Variants in ROBO2 observed in about 807,000 individuals in gnomAD.
ROBO2 encodes the protein roundabout homolog 2.
A neutral mutation model predicts 160.8 loss-of-function variants in ROBO2; 53 were observed. The observed-to-expected ratio is 0.33, with a 90% CI of 0.26 to 0.41. The LOEUF is 0.41. Ranked by LOEUF, ROBO2 falls within the 10% of genes least tolerant of loss-of-function variation. ROBO2 has a pLI of 1.00. For missense variants in ROBO2, 1,577 were observed against 1,722.4 expected (o/e 0.92, Z 1.49); for synonymous variants, 664 against 611.7 (o/e 1.09, Z -1.26).
chr3:76,967,042 C>T (rs948740563), intron 2 of ROBO2, among the ~76,000 whole-genome samples: 4 of 152,086 alleles, frequency 2.6e-5, no homozygotes, highest in Admixed American at 2.6e-4. Flanking sequence ...GTTCGCTGGG[C>T]ATATTGTATA....
chr3:76,553,978 G>A (rs1005668940), intron 2 of ROBO2, among the ~76,000 whole-genome samples: 3 of 152,132 alleles, frequency 2.0e-5, no homozygotes, highest in Non-Finnish European at 2.9e-5. Context: ...AGCAAAGCTT[G>A]AAATATGCAT....
chr3:77,349,319 A>T (rs2068041908), intron 2 of ROBO2, among the ~76,000 whole-genome samples: 1 of 152,292 alleles, frequency 6.6e-6, no homozygotes, highest in South Asian at 2.1e-4. Context: ...AAACTAGTTA[A>T]GTATCAAAGA....
intron 2 of ROBO2, among the ~76,000 whole-genome samples, chr3:76,151,172 C>T (rs1313379285): frequency 6.6e-6 from 1 of 152,128 alleles, no homozygotes; most frequent in Non-Finnish European, 1.5e-5. Context: ...GGCCCTCATT[C>T]ATATAACTAA....
intron 2 of ROBO2, among the ~76,000 whole-genome samples, chr3:76,833,126 C>T (rs1576921617): frequency 1.3e-5 from 2 of 152,086 alleles, no homozygotes; most frequent in East Asian, 3.9e-4. Context: ...CCTTTTAATT[C>T]TTACAAAATG....
chr3:76,365,938 C>T (rs190397330), intron 2 of ROBO2, among the ~76,000 whole-genome samples: 56 of 152,092 alleles, frequency 3.7e-4, no homozygotes, highest in African/African-American at 1.1e-3. Flanking sequence ...CTTATATTCC[C>T]GAGAATCAGT....
chr3:76,365,110 TCA>T (rs552460523), intron 2 of ROBO2, among the ~76,000 whole-genome samples: 59 of 152,174 alleles, frequency 3.9e-4, no homozygotes, highest in African/African-American at 1.4e-3. Context: ...TTGAAGCAAA[TCA>T]CAGAGTCTAA....
chr3:76,655,413 G>T (rs1266745825), intron 2 of ROBO2, among the ~76,000 whole-genome samples: 22 of 48,108 alleles, frequency 4.6e-4, no homozygotes, highest in African/African-American at 1.3e-3. Flanking sequence ...TATCTAAAAG[G>T]GTGTTTCTGT....
intron 2 of ROBO2, among the ~76,000 whole-genome samples, chr3:77,149,787 C>A (rs377685530): frequency 7.3e-6 from 1 of 136,704 alleles, no homozygotes; most frequent in African/African-American, 2.6e-5. Flanking sequence ...AGGCCTTATT[C>A]CTATTTTGCT....
intron 2 of ROBO2, among the ~76,000 whole-genome samples, chr3:76,747,899 T>C (rs2093919553): frequency 6.6e-6 from 1 of 152,076 alleles, no homozygotes; most frequent in African/African-American, 2.4e-5. Flanking sequence ...TTTATGGGTT[T>C]AAATTTAACC....
rs879743178 is a variant in ROBO2, at chr3:76,978,944, T to TAA, written c.110-119057_110-119056dup. Among the ~76,000 whole-genome samples, 3 of 141,498 alleles carry TAA rather than the reference T, an allele frequency of 2.1e-5. 1 individual carries two copies. Among genetic ancestry groups the TAA allele is most frequent in the African/African-American group, 7.7e-5 (3 of 38,994 alleles). 92.8% of individuals were successfully genotyped at this position (141,498 alleles called of 152,430 possible). ...TTTTTTTGTTTGTTTGTTTGTTTTT[T>TAA]AAAAAAAAAAAAAAGAAAAACAGGG... On this transcript the variant is annotated intron_variant, in intron 2 of 26. Coordinates refer to the ROBO2 transcript ENST00000487694.
At chr3:76,865,555 TG>T (rs1553667221) in intron 2 of ROBO2, among the ~76,000 whole-genome samples, 1 of 152,116 alleles carries the variant, frequency 6.6e-6, no homozygotes, top group Non-Finnish European at 1.5e-5. Context: ...CACTCTAATA[TG>T]TTCTACCACA....
intron 2 of ROBO2, among the ~76,000 whole-genome samples, chr3:76,504,606 G>C (rs1013703852): frequency 3.2e-5 from 4 of 123,224 alleles, no homozygotes; most frequent in Non-Finnish European, 6.3e-5. Flanking sequence ...TCAGCTCATT[G>C]CAACCTCTGC....
chr3:77,632,728 G>C, intron 23 of ROBO2: 1 of 1,344,040 alleles, frequency 7.4e-7, no homozygotes, highest in Non-Finnish European at 9.9e-7. Flanking sequence ...CTTTTCTCCT[G>C]TTCTTTCTCC....
At chr3:77,569,911 G>C (rs2093595862) in intron 13 of ROBO2, among the ~76,000 whole-genome samples, 1 of 151,752 alleles carries the variant, frequency 6.6e-6, no homozygotes, top group African/African-American at 2.4e-5. Flanking sequence ...TCTTATTCCA[G>C]TTTTGACATA....
intron 2 of ROBO2, among the ~76,000 whole-genome samples, chr3:77,001,224 G>A (rs182656301): frequency 2.6e-4 from 39 of 152,224 alleles, no homozygotes; most frequent in South Asian, 8.3e-4. Flanking sequence ...TAAAGCAGAC[G>A]CATTTTCAAG....
intron 2 of ROBO2, among the ~76,000 whole-genome samples, chr3:76,949,452 T>A (rs2078822527): frequency 6.6e-6 from 1 of 152,110 alleles, no homozygotes; most frequent in Admixed American, 6.6e-5. Flanking sequence ...AGGATGTGAG[T>A]GTAACTATGA....
chr3:77,034,198 ATTAT>A (rs1207872349), intron 2 of ROBO2, among the ~76,000 whole-genome samples: 2 of 151,882 alleles, frequency 1.3e-5, no homozygotes, highest in African/African-American at 4.8e-5. Context: ...TATATGTCAT[ATTAT>A]TGCTTTATTT....
intron 2 of ROBO2, among the ~76,000 whole-genome samples, chr3:76,259,486 A>G (rs1174024618): frequency 6.6e-6 from 1 of 152,142 alleles, no homozygotes; most frequent in African/African-American, 2.4e-5. Flanking sequence ...TCAGTTCTAT[A>G]TAGATTCTCA....
intron 2 of ROBO2, among the ~76,000 whole-genome samples, chr3:75,991,806 A>G (rs1053151020): frequency 6.6e-6 from 1 of 152,138 alleles, no homozygotes. Context: ...GCTGATAATG[A>G]TACAGACAAT....
Sources: gnomAD v4.1 joint callset for allele counts (sites outside exome capture counted in the v4.1 genomes callset) on GRCh38, gnomAD v4.1.1 for gene constraint, MANE v1.5 for transcripts, NCBI Gene and HGNC (gene_info 2026-07-23, HGNC 2026-07-21) for gene names.